MAML2: variants seen among roughly 807,000 people sequenced by gnomAD.
MAML2 encodes the protein mastermind like transcriptional coactivator 2, also known as mastermind-like protein 2.
In MAML2, 22 loss-of-function variants were observed where a neutral mutation model predicts 96.1. That is an observed-to-expected ratio of 0.23 (90% CI 0.16 to 0.33). The LOEUF is 0.33. MAML2 is among the 10% of genes least tolerant of loss of function. MAML2 has a pLI of 1.00. For missense variants in MAML2, 1,367 were observed against 1,392.4 expected (o/e 0.98, Z 0.29); for synonymous variants, 561 against 521.3 (o/e 1.08, Z -1.04).
chr11:96,174,453 G>C (rs371226239), intron 1 of MAML2, among the ~76,000 whole-genome samples: 5 of 152,078 alleles, frequency 3.3e-5, no homozygotes, highest in African/African-American at 1.2e-4. Context: ...GCACAGTCTC[G>C]GGTCACTGCA....
intron 2 of MAML2, among the ~76,000 whole-genome samples, chr11:96,012,110 C>T (rs662766): frequency 0.59 from 89,257 of 152,020 alleles, 26,944 homozygotes; most frequent in East Asian, 0.79. Context: ...CTCTTAGTTA[C>T]CTGTTCTCCG....
At chr11:96,167,498 A>G (rs1235069977) in intron 1 of MAML2, among the ~76,000 whole-genome samples, 3 of 152,178 alleles carry the variant, frequency 2.0e-5, no homozygotes, top group Non-Finnish European at 4.4e-5. Flanking sequence ...TTTCGCACAG[A>G]GCAGAAGATC....
intron 1 of MAML2, among the ~76,000 whole-genome samples, chr11:96,181,406 T>C (rs1230726341): frequency 6.6e-6 from 1 of 152,204 alleles, no homozygotes; most frequent in African/African-American, 2.4e-5. Context: ...AGACTATTTT[T>C]TTCTCCTTCA....
intron 1 of MAML2, among the ~76,000 whole-genome samples, chr11:96,166,205 A>G (rs1299607449): frequency 6.6e-6 from 1 of 151,198 alleles, no homozygotes; most frequent in East Asian, 1.9e-4. Context: ...ACACACACAC[A>G]CACACACACA....
At chr11:96,012,078 G>A (rs994778473) in intron 2 of MAML2, among the ~76,000 whole-genome samples, 3 of 152,094 alleles carry the variant, frequency 2.0e-5, no homozygotes, top group African/African-American at 4.8e-5. Context: ...AATCTCATAT[G>A]CCAAAATTCA....
chr11:96,168,440 A>G (rs139764224), intron 1 of MAML2, among the ~76,000 whole-genome samples: 32 of 152,298 alleles, frequency 2.1e-4, no homozygotes, highest in Admixed American at 1.8e-3. Context: ...AGGAGAGATG[A>G]AGTCCAGGCA....
At chr11:96,299,619 A>G (rs1376844576) in intron 1 of MAML2, among the ~76,000 whole-genome samples, 1 of 152,176 alleles carries the variant, frequency 6.6e-6, no homozygotes, top group Non-Finnish European at 1.5e-5. Flanking sequence ...CCAGTGACCC[A>G]TGAATGTTGG....
intron 1 of MAML2, among the ~76,000 whole-genome samples, chr11:96,265,322 T>C (rs551047114): frequency 2.0e-3 from 302 of 152,328 alleles, no homozygotes; most frequent in African/African-American, 6.8e-3. Flanking sequence ...GAATTACTCT[T>C]GCAGGTTGTG....
rs77557724 is a variant in MAML2 at position 96,168,130 on chromosome 11, A to G, written c.514-74613T>C. Among the ~76,000 whole-genome samples the G allele has an allele frequency of 6.4e-3, 980 of 152,242 alleles. 15 individuals are homozygous for G. The highest frequency in any genetic ancestry group is 0.022 in the African/African-American group (926 of 41,524). On this transcript the variant is annotated intron_variant, in intron 1 of 4. Coordinates refer to ENST00000524717, the MANE Select transcript of MAML2 (RefSeq NM_032427.4). ...ACTCTGTGCCATTTACAGGCTCTCT[A>G]ATCTTGAAAATTTTTCTTAATCTCT...
At chr11:96,199,039 TA>T (rs1264198522) in intron 1 of MAML2, among the ~76,000 whole-genome samples, 1 of 151,128 alleles carries the variant, frequency 6.6e-6, no homozygotes, top group African/African-American at 2.4e-5. Context: ...CTAATAAAAA[TA>T]CAAAAAAATT....
chr11:96,085,515 G>A (rs1228846622), intron 2 of MAML2, among the ~76,000 whole-genome samples: 1 of 152,104 alleles, frequency 6.6e-6, no homozygotes, highest in Non-Finnish European at 1.5e-5. Flanking sequence ...GAGTGCAAAG[G>A]GGATTGTTTG....
chr11:96,309,775 G>C (rs540892038), intron 1 of MAML2, among the ~76,000 whole-genome samples: 6 of 149,848 alleles, frequency 4.0e-5, no homozygotes, highest in African/African-American at 1.5e-4. Flanking sequence ...ACGGCTTACT[G>C]AGGTCCCGAC....
intron 2 of MAML2, among the ~76,000 whole-genome samples, chr11:96,067,745 A>G (rs1171521209): frequency 1.3e-5 from 2 of 152,224 alleles, no homozygotes; most frequent in African/African-American, 4.8e-5. Context: ...AAACAGAGAC[A>G]TGACAACGCA....
chr11:95,997,591 T>G (rs2135714714), intron 2 of MAML2, among the ~76,000 whole-genome samples: 1 of 152,314 alleles, frequency 6.6e-6, no homozygotes, highest in Non-Finnish European at 1.5e-5. Flanking sequence ...AAAAAGATAC[T>G]GAAGGGACTT....
rs890851192 is a variant in MAML2 at position 96,092,895 on chromosome 11, G to C, written c.1136C>G (p.Ser379Cys). Residue 379 changes from serine to cysteine, a missense_variant, in exon 2 of 5, where the codon TCT becomes TGT. Transcript: ENST00000524717. This position sits in a 1 kb window ranked among gnomAD's most constrained non-coding sequence, Gnocchi z 4.1. ...AGCTGATGGGGGCCTCAGCTGAGGA[G>C]AGCCTGAGGGGCCCTGAGTCAAGCC... Reference protein sequence around the residue: ...SPGLTQGPSGSPQLRPPSAGP... With the variant: ...SPGLTQGPSGCPQLRPPSAGP... The C allele has an allele frequency of 6.2e-6, 10 of 1,604,962 alleles. No individual in the cohort carries two copies. The highest frequency in any genetic ancestry group is 8.5e-6 in the Non-Finnish European group (10 of 1,175,346).
chr11:96,249,083 C>CA (rs1862549417), intron 1 of MAML2, among the ~76,000 whole-genome samples: 2 of 152,198 alleles, frequency 1.3e-5, no homozygotes, highest in African/African-American at 2.4e-5. Flanking sequence ...ACTCAGTGAT[C>CA]AATTACAGTC....
Position 96,092,371 on chromosome 11 carries a change from C to T in MAML2, c.1660G>A (p.Gly554Ser). Residue 554 changes from glycine (G) to serine (S), a missense_variant, in exon 2 of 5, where the codon GGC (glycine) becomes AGC (serine). Transcript: ENST00000524717. The surrounding 1 kb of genome is among the most constrained non-coding windows in gnomAD (Gnocchi z 4.1). ...NPHPAMEPRQ[G>S]NTKPLFHFNS... ...AAATGAAACAAAGGCTTGGTGTTGC[C>T]CTGACGGGGCTCCATGGCTGGGTGC... 6 of 1,613,742 alleles carry T rather than the reference C, an allele frequency of 3.7e-6. No individual in the cohort carries two copies. The highest frequency in any genetic ancestry group is 5.1e-6 in the Non-Finnish European group (6 of 1,179,830).
intron 1 of MAML2, among the ~76,000 whole-genome samples, chr11:96,170,886 T>G (rs1861281506): frequency 6.6e-6 from 1 of 152,142 alleles, no homozygotes; most frequent in African/African-American, 2.4e-5. Flanking sequence ...GTCTAATTTT[T>G]TGTATTTTTA....
intron 2 of MAML2, among the ~76,000 whole-genome samples, chr11:96,074,426 T>C (rs1859399702): frequency 6.6e-6 from 1 of 152,128 alleles, no homozygotes; most frequent in African/African-American, 2.4e-5. Context: ...CACATGAGAG[T>C]TTCATCAGAT....
Sources: gnomAD v4.1 joint callset for allele counts (sites outside exome capture counted in the v4.1 genomes callset) on GRCh38, gnomAD v4.1.1 for gene constraint, Gnocchi (gnomAD v3.1) non-coding constraint, MANE v1.5 for transcripts, NCBI Gene and HGNC (gene_info 2026-07-23, HGNC 2026-07-21) for gene names.